Variants in USP25 observed in about 807,000 individuals in gnomAD.
The protein encoded by USP25 is ubiquitin specific peptidase 25, also known as ubiquitin carboxyl-terminal hydrolase 25.
USP25 carries 85 observed loss-of-function variants against 158.5 expected under a neutral mutation model. That is an observed-to-expected ratio of 0.54 (90% CI 0.45 to 0.64). USP25 has a LOEUF of 0.64. USP25 is among the 30% of genes least tolerant of loss of function. USP25 has a pLI of 0.00. For missense variants in USP25, 1,242 were observed against 1,327.3 expected, an observed-to-expected ratio of 0.94 and a Z score of 1.00; for synonymous variants, 464 against 460.4, an observed-to-expected ratio of 1.01 and a Z score of -0.10.
chr21:15,877,243 G>A (rs1568922358), intron 24 of USP25: 1 of 152,268 alleles, frequency 6.6e-6, no homozygotes, highest in African/African-American at 2.4e-5. Context: ...CTCCATGAGA[G>A]TTTTCTGTAT....
chr21:15,777,657 A>G (rs571476741), intron 3 of USP25, among the ~76,000 whole-genome samples: 1 of 152,308 alleles, frequency 6.6e-6, no homozygotes, highest in Admixed American at 6.5e-5. Flanking sequence ...GTAAATACAG[A>G]GATTCTTCTA....
At chr21:15,785,925 A>G (rs1039503613) in intron 4 of USP25, among the ~76,000 whole-genome samples, 1 of 152,126 alleles carries the variant, frequency 6.6e-6, no homozygotes, top group East Asian at 1.9e-4. Context: ...AAAGGAAAAA[A>G]AAAAAGACTC....
chr21:15,787,038 G>C (rs1354779805), intron 4 of USP25, among the ~76,000 whole-genome samples: 1 of 151,982 alleles, frequency 6.6e-6, no homozygotes, highest in Non-Finnish European at 1.5e-5. Flanking sequence ...AGATACCTAA[G>C]AATAAACTTA....
chr21:15,825,996 CCCAATCGG>C (rs1424802589), intron 12 of USP25, among the ~76,000 whole-genome samples, 200 bp from the exon 13 acceptor site: 1 of 152,190 alleles, frequency 6.6e-6, no homozygotes, highest in East Asian at 1.9e-4. Context: ...CACATTCAGT[CCCAATCGG>C]CCTTGGTTTC....
At chr21:15,785,361 A>G (rs979722149) in intron 4 of USP25, among the ~76,000 whole-genome samples, 1 of 152,224 alleles carries the variant, frequency 6.6e-6, no homozygotes, top group Non-Finnish European at 1.5e-5. Context: ...TGAGACTTAA[A>G]CTACACCATG....
chr21:15,772,297 C>T (rs931507027), intron 3 of USP25, among the ~76,000 whole-genome samples: 3 of 152,054 alleles, frequency 2.0e-5, no homozygotes, highest in African/African-American at 7.2e-5. Context: ...ATGAGTATCA[C>T]GTTTTGATAT....
Position 15,847,707 on chromosome 21 carries a change from T to G in USP25, c.2382T>G (p.Val794=), listed in dbSNP as rs750349339. 31 of 1,550,016 alleles carry G rather than the reference T, an allele frequency of 2.0e-5. No homozygotes were observed. The Middle Eastern group carries it at 5.0e-4, about 25-fold the overall frequency. ...TTSQPLSNQR[V]VEVAIPHVGK... ...GCCAACCACTTTCTAATCAGCGAGT[T>G]GTAGAGGTGGCGATCCCTCATGTAG... Residue 794 remains valine, a synonymous_variant, in exon 19 of 26, where the codon GTT becomes GTG. Coordinates refer to ENST00000400183, the MANE Select transcript of USP25 (RefSeq NM_001283041.3).
chr21:15,823,550 A>C (rs186141756), intron 10 of USP25, among the ~76,000 whole-genome samples: 190 of 152,240 alleles, frequency 1.2e-3, no homozygotes, highest in African/African-American at 4.4e-3. Context: ...GCTAAAGCTA[A>C]AACAGGAAAA....
At chr21:15,857,663 G>T (rs2039220909) in intron 20 of USP25, among the ~76,000 whole-genome samples, 1 of 151,882 alleles carries the variant, frequency 6.6e-6, no homozygotes, top group Admixed American at 6.6e-5. Context: ...ATTATATTTT[G>T]TGGTTTATAA....
intron 2 of USP25, among the ~76,000 whole-genome samples, chr21:15,764,214 A>G (rs1221223175): frequency 6.6e-6 from 1 of 152,034 alleles, no homozygotes; most frequent in Admixed American, 6.6e-5. Flanking sequence ...AAATATCATT[A>G]CTAAATTCCA....
intron 6 of USP25, among the ~76,000 whole-genome samples, chr21:15,802,807 A>C (rs924750534): frequency 6.6e-5 from 10 of 151,818 alleles, no homozygotes; most frequent in Admixed American, 6.6e-4. Flanking sequence ...TAAAGGTAAT[A>C]GCAGAAATCT....
chr21:15,756,304 C>T (rs192924996), intron 1 of USP25, among the ~76,000 whole-genome samples: 33 of 152,162 alleles, frequency 2.2e-4, no homozygotes, highest in Admixed American at 8.5e-4. Context: ...GAAGGGAAAA[C>T]GGGGAGGCAG....
intron 20 of USP25, among the ~76,000 whole-genome samples, chr21:15,853,442 A>G (rs1287542513): frequency 6.6e-6 from 1 of 152,144 alleles, no homozygotes; most frequent in African/African-American, 2.4e-5. Flanking sequence ...CATGTGTCCT[A>G]TATTTTCTCC....
chr21:15,852,385 C>T (rs897928869), intron 20 of USP25, among the ~76,000 whole-genome samples: 1 of 152,012 alleles, frequency 6.6e-6, no homozygotes, highest in African/African-American at 2.4e-5. Flanking sequence ...TGATTTTGGG[C>T]AAATTATTCA....
chr21:15,790,306 A>T (rs747274298), intron 4 of USP25, among the ~76,000 whole-genome samples: 2 of 151,998 alleles, frequency 1.3e-5, no homozygotes, highest in South Asian at 2.1e-4. Flanking sequence ...TTTTCACTAT[A>T]TGAGTTTACA....
At chr21:15,792,382 T>C (rs2035636309) in intron 5 of USP25, among the ~76,000 whole-genome samples, 1 of 151,714 alleles carries the variant, frequency 6.6e-6, no homozygotes, top group South Asian at 2.1e-4. Flanking sequence ...ATTGCAAAAC[T>C]TTAAAACAAT....
intron 1 of USP25, among the ~76,000 whole-genome samples, chr21:15,744,622 C>G (rs2032372765): frequency 6.6e-6 from 1 of 151,312 alleles, no homozygotes; most frequent in African/African-American, 2.4e-5. Context: ...GAGCTTCGTT[C>G]TTGTTGCCCA....
chr21:15,747,532 A>G (rs1466778503), intron 1 of USP25, among the ~76,000 whole-genome samples: 3 of 152,066 alleles, frequency 2.0e-5, no homozygotes, highest in Non-Finnish European at 4.4e-5. Context: ...TTTAATTTAT[A>G]AATTAGGTAA....
chr21:15,831,733 G>C, intron 16 of USP25, 104 bp downstream of exon 16: 1 of 962,208 alleles, frequency 1.0e-6, no homozygotes, highest in Non-Finnish European at 1.6e-6. Context: ...TGAAGGATGT[G>C]GTTAGGAAAT....
Sources: gnomAD v4.1 joint callset for allele counts (sites outside exome capture counted in the v4.1 genomes callset) on GRCh38, gnomAD v4.1.1 for gene constraint, MANE v1.5 for transcripts, NCBI Gene and HGNC (gene_info 2026-07-23, HGNC 2026-07-21) for gene names.